SORL1: variants seen among roughly 807,000 people sequenced by gnomAD.
SORL1 encodes the protein sortilin-related receptor.
SORL1 carries 127 observed loss-of-function variants against 273.7 expected under a neutral mutation model. That is an observed-to-expected ratio of 0.46 (90% CI 0.40 to 0.54). The LOEUF (loss-of-function observed/expected upper bound fraction) is 0.54, where lower values mean the gene tolerates loss of function less well. Among genes scored for constraint, SORL1 ranks in the 20% least tolerant of loss-of-function variants. The probability of loss-of-function intolerance (pLI) is 0.00; values close to 1 mark genes in which losing one functional copy is unlikely to be tolerated. For missense variants in SORL1, 2,494 were observed against 2,846.1 expected (o/e 0.88, Z 2.81); for synonymous variants, 1,031 against 1,067.4 (o/e 0.97, Z 0.66).
chr11:121,599,966 A>T lies in SORL1; in HGVS notation c.4519+4194A>T, dbSNP rs545717652. Among the ~76,000 whole-genome samples the T allele has an allele frequency of 4.0e-4, 61 of 152,186 alleles. 2 individuals are homozygous for T. The South Asian group carries it at 6.8e-3, about 17-fold the overall frequency. On this transcript the variant is annotated intron_variant, in intron 32 of 47. Transcript: ENST00000260197. ...TTTACTCTTTCTATTTGCTGTGGTA[A>T]TATTTTCTGATGCTTTTTAAAGTGG...
At chr11:121,574,212 G>GAC in intron 23 of SORL1, 29 bp from the exon 24 acceptor site, 1 of 1,610,928 alleles carries the variant, frequency 6.2e-7, no homozygotes, top group Non-Finnish European at 8.5e-7. Context: ...TGTACCTAAG[G>GAC]AATATGTTGT....
intron 3 of SORL1, among the ~76,000 whole-genome samples, chr11:121,482,373 A>C (rs1861404900): frequency 6.6e-6 from 1 of 151,928 alleles, no homozygotes; most frequent in Non-Finnish European, 1.5e-5. Context: ...TATTCTTTGG[A>C]GTTGGTGGGG....
intron 12 of SORL1, among the ~76,000 whole-genome samples, chr11:121,533,235 G>A (rs1477622534): frequency 2.0e-5 from 3 of 152,056 alleles, no homozygotes; most frequent in African/African-American, 2.4e-5. Context: ...CTTTTGGTGC[G>A]TTAGGTTGGT....
intron 6 of SORL1, among the ~76,000 whole-genome samples, chr11:121,499,606 C>A (rs570137768): frequency 3.9e-5 from 6 of 152,338 alleles, no homozygotes; most frequent in African/African-American, 1.4e-4. Flanking sequence ...ACACAACTGG[C>A]TGTGGATAGC....
intron 42 of SORL1, among the ~76,000 whole-genome samples, chr11:121,619,472 A>G (rs1863689438): frequency 6.6e-6 from 1 of 152,204 alleles, no homozygotes. Flanking sequence ...TTTGAGGAAG[A>G]TAGGCTTCAT....
At chr11:121,557,577 G>A (rs369896485) in intron 19 of SORL1, among the ~76,000 whole-genome samples, 172 bp downstream of exon 19, 2 of 152,208 alleles carry the variant, frequency 1.3e-5, no homozygotes, top group Admixed American at 6.5e-5. Flanking sequence ...AGGTAACTCC[G>A]TTCGCTTTTT....
intron 11 of SORL1, among the ~76,000 whole-genome samples, chr11:121,527,840 G>C (rs973761789): frequency 6.6e-6 from 1 of 152,022 alleles, no homozygotes; most frequent in Non-Finnish European, 1.5e-5. Flanking sequence ...TGATATTGGT[G>C]ATATGTGTAT....
chr11:121,491,900 T>C (rs1455163218), intron 5 of SORL1, among the ~76,000 whole-genome samples: 2 of 152,228 alleles, frequency 1.3e-5, no homozygotes, highest in African/African-American at 4.8e-5. Flanking sequence ...GTCAGATACC[T>C]TCTTACCACA....
intron 32 of SORL1, among the ~76,000 whole-genome samples, chr11:121,600,724 A>C (rs1417530848): frequency 6.6e-6 from 1 of 152,248 alleles, no homozygotes; most frequent in Non-Finnish European, 1.5e-5. Context: ...CCTTATCTAA[A>C]AATGAAATGA....
In SORL1 at chr11:121,621,109, AGC is replaced by A; in HGVS notation, c.5936_5937del (p.Ser1979IlefsTer7). The A allele has an allele frequency of 6.2e-7, 1 of 1,613,760 alleles. No homozygotes were observed. Among genetic ancestry groups the A allele is most frequent in the Non-Finnish European group, 8.5e-7 (1 of 1,179,694 alleles). ...VKDLIRKTDR[S>X]YKVKSRNSTV... ...AGATCTCATAAGAAAGACTGACAGGAGCTACAAAGTAAAATCCCGTAACAGCA... is the reference window on the plus strand; with the variant it reads ...AGATCTCATAAGAAAGACTGACAGGATACAAAGTAAAATCCCGTAACAGCA... On this transcript the variant is annotated frameshift_variant, in exon 44 of 48. Coordinates refer to ENST00000260197, the MANE Select transcript of SORL1 (RefSeq NM_003105.6). LOFTEE classifies it high-confidence loss of function.
rs1861503868 is a variant in SORL1, at chr11:121,488,196, A to C, written c.690+3A>C. The stretch of plus-strand genomic sequence containing the variant: ...ACAGGTCCCACCCCAACAAGCAGGT[A>C]AGAGGGCTTTCAGAACCCAGTTGCA... On this transcript the variant is annotated splice_donor_region_variant and intron_variant, in intron 4 of 47. Transcript: ENST00000260197. 6.2e-7 allele frequency: 1 copy of C among 1,613,194 alleles called. No homozygotes were observed. Among genetic ancestry groups the C allele is most frequent in the African/African-American group, 1.3e-5 (1 of 74,852 alleles).
In SORL1 at chr11:121,612,718, C is replaced by T; in HGVS notation, c.5323-18C>T. ...CATGACTAGCTGTTCATCTAACATGCTTCTTGGTTCTCGGCAGGTGAATGG... is the reference window on the plus strand; with the variant it reads ...CATGACTAGCTGTTCATCTAACATGTTTCTTGGTTCTCGGCAGGTGAATGG... On this transcript the variant is annotated intron_variant, in intron 39 of 47. Transcript: ENST00000260197. 6.2e-7 allele frequency: 1 copy of T among 1,600,740 alleles called. No homozygotes were observed. The highest frequency in any genetic ancestry group is 8.6e-7 in the Non-Finnish European group (1 of 1,167,930).
rs186627719 is a variant in SORL1, at chr11:121,457,894, A to G, written c.285+5278A>G. ...TTAATAAATTGCTTTGAGACTTGGG[A>G]TCCACGAGGCAGATCCTTATAGCAA... is the stretch of plus-strand genomic sequence containing the variant. On this transcript the variant is annotated intron_variant, in intron 1 of 47. Coordinates refer to ENST00000260197, the MANE Select transcript of SORL1 (RefSeq NM_003105.6). 1.4e-4 allele frequency among the ~76,000 whole-genome samples: 22 copies of G among 152,344 alleles called. No homozygotes were observed. In the East Asian group the frequency reaches 3.9e-3, roughly 27 times the overall value.
intron 47 of SORL1, among the ~76,000 whole-genome samples, chr11:121,628,325 T>C (rs1227629685): frequency 6.6e-6 from 1 of 151,800 alleles, no homozygotes; most frequent in African/African-American, 2.4e-5. Flanking sequence ...GGGGGAAGGG[T>C]TGGGGGATGA....
chr11:121,614,008 T>C (rs1239732739), intron 40 of SORL1, among the ~76,000 whole-genome samples: 2 of 152,236 alleles, frequency 1.3e-5, no homozygotes, highest in Admixed American at 1.3e-4. Flanking sequence ...ATAGAGAGTT[T>C]AAATACTTTA....
rs147448972 is a variant in SORL1 at position 121,625,287 on chromosome 11, G to T, written c.6364+10G>T. On this transcript the variant is annotated intron_variant, in intron 46 of 47. Coordinates refer to ENST00000260197, the MANE Select transcript of SORL1 (RefSeq NM_003105.6). ...GATGAGCTGGGGTCTGGTGAGTTGCGATTGCTGCCCGTTTCTGTCTTCAGT... is the reference window on the plus strand; with the variant it reads ...GATGAGCTGGGGTCTGGTGAGTTGCTATTGCTGCCCGTTTCTGTCTTCAGT... 4 of 1,598,754 alleles carry T rather than the reference G, an allele frequency of 2.5e-6. No homozygotes were observed. The highest frequency in any genetic ancestry group is 2.7e-5 in the African/African-American group (2 of 74,546).
At chr11:121,539,915 C>G (rs1862321843) in intron 12 of SORL1, among the ~76,000 whole-genome samples, 1 of 152,116 alleles carries the variant, frequency 6.6e-6, no homozygotes. Flanking sequence ...GATCCTATTC[C>G]TTTCTAATTC....
Position 121,522,612 on chromosome 11 carries a change from G to A in SORL1, c.1431G>A (p.Leu477=). 6.2e-7 allele frequency: 1 copy of A among 1,614,144 alleles called. No homozygotes were observed. The highest frequency in any genetic ancestry group is 8.5e-7 in the Non-Finnish European group (1 of 1,179,986). ...CELSQGCSLH[L]AQRLSQLLNL... is the part of the protein sequence containing the mutation. ...TTTCCCAGGGCTGTTCCCTTCATCTGGCTCAGCGCCTCAGTCAGCTCCTCA... is the reference window on the plus strand; with the variant it reads ...TTTCCCAGGGCTGTTCCCTTCATCTAGCTCAGCGCCTCAGTCAGCTCCTCA... The change falls in exon 10 of 48, where the codon CTG becomes CTA. Residue 477 remains leucine, a synonymous_variant. Coordinates refer to ENST00000260197, the MANE Select transcript of SORL1 (RefSeq NM_003105.6).
chr11:121,510,212 C>T (rs907565567), intron 6 of SORL1, among the ~76,000 whole-genome samples: 25 of 150,962 alleles, frequency 1.7e-4, no homozygotes, highest in Non-Finnish European at 8.8e-5. Context: ...AGTAATACAA[C>T]AGCATTTATA....
Sources: gnomAD v4.1 joint callset for allele counts (sites outside exome capture counted in the v4.1 genomes callset) on GRCh38, gnomAD v4.1.1 for gene constraint, MANE v1.5 for transcripts, NCBI Gene and HGNC (gene_info 2026-07-23, HGNC 2026-07-21) for gene names.